ANKRD26: variants seen among roughly 807,000 people sequenced by gnomAD.
ANKRD26 encodes the protein ankyrin repeat domain 26, also known as ankyrin repeat domain-containing protein 26.
In ANKRD26, 141 loss-of-function variants were observed where a neutral mutation model predicts 208.7. The observed-to-expected ratio is 0.68, with a 90% CI of 0.59 to 0.78. ANKRD26 has a LOEUF of 0.78. Ranked by LOEUF, ANKRD26 falls within the 30% of genes least tolerant of loss-of-function variation. The pLI, the probability that ANKRD26 is intolerant of heterozygous loss-of-function variation, is 0.00. For missense variants in ANKRD26, 1,889 were observed against 1,938.7 expected (o/e 0.97, Z 0.48); for synonymous variants, 636 against 660.4 (o/e 0.96, Z 0.57).
At chr10:27,088,499 T>C (rs1180649812) in intron 4 of ANKRD26, 2 of 152,236 alleles carry the variant, frequency 1.3e-5, no homozygotes, top group Non-Finnish European at 2.9e-5. Context: ...CCAACTAACC[T>C]ACTTTACGCT....
chr10:26,968,525 C>T, the ANKRD26 span, among the ~76,000 whole-genome samples: 12 of 152,344 alleles, frequency 7.9e-5, no homozygotes, highest in Admixed American at 3.3e-4. Flanking sequence ...TATAAATCTT[C>T]AGTAGGTACG....
chr10:26,954,427 CAG>C, the ANKRD26 span, among the ~76,000 whole-genome samples: 2 of 152,040 alleles, frequency 1.3e-5, no homozygotes, highest in South Asian at 4.1e-4. Flanking sequence ...ATTTTTAAGA[CAG>C]TAATATTTTT....
chr10:27,097,573 T>C (rs759655393), intron 1 of ANKRD26, among the ~76,000 whole-genome samples: 11 of 151,568 alleles, frequency 7.3e-5, no homozygotes, highest in Non-Finnish European at 1.5e-4. Flanking sequence ...GGGAGTTCAA[T>C]ATTTTTAAAT....
chr10:27,019,211 C>T (rs1209368420), intron 29 of ANKRD26, among the ~76,000 whole-genome samples: 4 of 151,968 alleles, frequency 2.6e-5, no homozygotes, highest in South Asian at 2.1e-4. Context: ...ACCCAGGAGG[C>T]GGAGCTTGCA....
At chr10:27,039,453 CAAAA>C (rs34965939) in intron 21 of ANKRD26, among the ~76,000 whole-genome samples, 1 of 101,400 alleles carries the variant, frequency 9.9e-6, no homozygotes, top group African/African-American at 3.6e-5. Flanking sequence ...GACTCCATCT[CAAAA>C]AAAAAAAAAA....
chr10:26,983,104 T>G (rs1189355204), intron 3 of ANKRD26, among the ~76,000 whole-genome samples: 1 of 152,200 alleles, frequency 6.6e-6, no homozygotes, highest in African/African-American at 2.4e-5. Context: ...AGCATGGTTT[T>G]TCTTATACGT....
chr10:27,046,345 G>T lies in ANKRD26; in HGVS notation c.1985+8C>A, dbSNP rs1305860037. ...TCCATAGAAAAATAAAGAAATCATA[G>T]ATTTTACCTTCCTTCATCCTCATCT... On this transcript the variant is annotated splice_region_variant and intron_variant, in intron 18 of 33. Transcript: ENST00000376087. The T allele has an allele frequency of 6.2e-7, 1 of 1,613,410 alleles. No individual in the cohort carries two copies. The highest frequency in any genetic ancestry group is 1.3e-5 in the African/African-American group (1 of 75,016).
At chr10:27,061,890 T>C (rs781610480) in intron 12 of ANKRD26, 14 of 944,882 alleles carry the variant, frequency 1.5e-5, no homozygotes, top group East Asian at 1.2e-4. Flanking sequence ...TGATGTCTGA[T>C]AGTTATAGAA....
intron 6 of ANKRD26, among the ~76,000 whole-genome samples, chr10:27,079,614 G>A (rs1205500259): frequency 6.6e-6 from 1 of 152,212 alleles, no homozygotes. Context: ...AGAACTTTGG[G>A]AGGCGGAGGC....
the ANKRD26 span, among the ~76,000 whole-genome samples, chr10:26,960,308 GCC>G: frequency 6.6e-6 from 1 of 152,198 alleles, no homozygotes; most frequent in Non-Finnish European, 1.5e-5. Flanking sequence ...GCTTCTTGGG[GCC>G]CTGAGCGAAG....
Position 27,029,270 on chromosome 10 carries a change from C to T in ANKRD26, c.3878+16G>A, listed in dbSNP as rs1453867401. The T allele has an allele frequency of 6.2e-7, 1 of 1,603,450 alleles. No homozygotes were observed. Among genetic ancestry groups the T allele is most frequent in the Admixed American group, 1.7e-5 (1 of 59,212 alleles). On this transcript the variant is annotated intron_variant, in intron 26 of 33. Transcript: ENST00000376087. ...ATAAATAATCATGTTTTTCTGTGTG[C>T]TGCTTTAAATTTTACTTTTGCTTGT...
intron 5 of ANKRD26, among the ~76,000 whole-genome samples, chr10:26,979,562 C>T (rs925392530): frequency 2.0e-5 from 3 of 152,216 alleles, no homozygotes; most frequent in African/African-American, 7.2e-5. Context: ...CCTTTTATTA[C>T]TCTGAGGAAC....
chr10:27,052,124 T>C lies in ANKRD26; in HGVS notation c.1635+1196A>G, dbSNP rs1179940145. 3.7e-5 allele frequency: 36 copies of C among 984,828 alleles called. No individual in the cohort carries two copies. In the Middle Eastern group the frequency reaches 2.1e-3, roughly 57 times the overall value. The allele number at this position is 984,828 out of a possible 1,614,324, so 61.0% of individuals were successfully genotyped here. A position where few individuals can be genotyped will look rare whatever the true frequency, so the allele number is the denominator to read the frequency against. On this transcript the variant is annotated intron_variant, in intron 16 of 33. Coordinates refer to ENST00000376087, the MANE Select transcript of ANKRD26 (RefSeq NM_014915.3). The stretch of plus-strand genomic sequence containing the variant: ...CAGATGTCTTTTCTGTCAGGGTGCA[T>C]GTTTTTAAAATAACTTTATCCTTGA...
At chr10:27,051,618 T>A in intron 16 of ANKRD26, 1 of 985,188 alleles carries the variant, frequency 1.0e-6, no homozygotes, top group African/African-American at 1.7e-5. Flanking sequence ...TTTATTTTCA[T>A]TTAAATAAGG....
chr10:26,989,246 T>C (rs2052444280), downstream of ANKRD26, among the ~76,000 whole-genome samples: 1 of 152,150 alleles, frequency 6.6e-6, no homozygotes, highest in Non-Finnish European at 1.5e-5. Context: ...CTAAAGGGAA[T>C]CATACAGTTC....
rs1361985075 is a variant in ANKRD26, at chr10:27,037,891, C to T, written c.2539G>A (p.Val847Ile). 1.2e-6 allele frequency: 2 copies of T among 1,610,150 alleles called. No individual in the cohort carries two copies. Among genetic ancestry groups the T allele is most frequent in the East Asian group, 2.2e-5 (1 of 44,726 alleles). Residue 847 changes from valine to isoleucine, a missense_variant, in exon 22 of 34, where the codon GTA becomes ATA. Coordinates refer to ENST00000376087, the MANE Select transcript of ANKRD26 (RefSeq NM_014915.3). ...TTTACCTGATTCAAATTACTTTTTA[C>T]AGTCCTCAATTCCATCTCCAGTGTT... ...LQTLEMELRTVKSNLNQVVQE... is the reference protein window; with the variant it reads ...LQTLEMELRTIKSNLNQVVQE...
In ANKRD26 at chr10:27,081,884, G is replaced by C. The variant is rs561063958; in HGVS notation, c.740+919C>G. ...TCCTGAGTACTGGGACTATAGGCGTGCGCCACCACGCCTGGCTAATTCTTT... is the reference window on the plus strand; with the variant it reads ...TCCTGAGTACTGGGACTATAGGCGTCCGCCACCACGCCTGGCTAATTCTTT... On this transcript the variant is annotated intron_variant, in intron 6 of 33. Coordinates refer to ENST00000376087, the MANE Select transcript of ANKRD26 (RefSeq NM_014915.3). Among the ~76,000 whole-genome samples, 22 of 151,898 alleles carry C rather than the reference G, an allele frequency of 1.4e-4. No homozygotes were observed. In the South Asian group the frequency reaches 1.5e-3, roughly 10 times the overall value.
chr10:27,005,605 T>C lies in ANKRD26; in HGVS notation c.5118A>G (p.Lys1706=). The C allele has an allele frequency of 1.9e-6, 3 of 1,611,434 alleles. No individual in the cohort carries two copies. The highest frequency in any genetic ancestry group is 2.5e-6 in the Non-Finnish European group (3 of 1,178,238). The change falls in exon 34 of 34, where the codon AAA becomes AAG. Residue 1706 remains lysine, a synonymous_variant. Transcript: ENST00000376087. Reference sequence around the variant, plus strand: ...ATCTTATCTTTCAGATCATATAATTTTTCTTTAAAACCTGTACATATTCTC... The same window carrying C: ...ATCTTATCTTTCAGATCATATAATTCTTCTTTAAAACCTGTACATATTCTC... ...ASREYVQVLK[K]NYMI is the part of the protein sequence containing the mutation.
downstream of ANKRD26, among the ~76,000 whole-genome samples, chr10:26,999,545 G>A (rs1564341823): frequency 6.6e-6 from 1 of 152,038 alleles, no homozygotes; most frequent in Non-Finnish European, 1.5e-5. Context: ...GATGTGGGAG[G>A]GGTCAGCTCC....
Sources: gnomAD v4.1 joint callset for allele counts (sites outside exome capture counted in the v4.1 genomes callset) on GRCh38, gnomAD v4.1.1 for gene constraint, MANE v1.5 for transcripts, NCBI Gene and HGNC (gene_info 2026-07-23, HGNC 2026-07-21) for gene names.